SINHCAF: variants seen among roughly 807,000 people sequenced by gnomAD.
The protein encoded by SINHCAF is SIN3-HDAC complex-associated factor.
In SINHCAF, 3 loss-of-function variants were observed where a neutral mutation model predicts 25.8. The ratio of observed to expected loss-of-function variants is 0.12; its 90% CI spans 0.05 to 0.30. The LOEUF (loss-of-function observed/expected upper bound fraction) is 0.30, where lower values mean the gene tolerates loss of function less well. Ranked by LOEUF, SINHCAF falls within the 10% of genes least tolerant of loss-of-function variation. The probability of loss-of-function intolerance (pLI) is 1.00; values close to 1 mark genes in which losing one functional copy is unlikely to be tolerated. For synonymous variants in SINHCAF, 70 were observed against 85.5 expected, an observed-to-expected ratio of 0.82 and a Z score of 1.00; for missense variants, 121 against 262.3, an observed-to-expected ratio of 0.46 and a Z score of 3.72.
chr12:31,294,123 C>CT (rs1166921426), intron 3 of SINHCAF, among the ~76,000 whole-genome samples, 192 bp from the exon 4 acceptor site: 1 of 152,098 alleles, frequency 6.6e-6, no homozygotes, highest in Non-Finnish European at 1.5e-5. Flanking sequence ...TAAAGATATT[C>CT]TTTCCTGTGA....
chr12:31,317,960 T>A (rs1471947110), intron 1 of SINHCAF, among the ~76,000 whole-genome samples: 4 of 152,144 alleles, frequency 2.6e-5, no homozygotes, highest in Non-Finnish European at 4.4e-5. Context: ...CTAGAAATCA[T>A]GATGATGGGA....
At chr12:31,287,080 C>T (rs1938112628) in intron 5 of SINHCAF, among the ~76,000 whole-genome samples, 3 of 152,148 alleles carry the variant, frequency 2.0e-5, no homozygotes, top group Non-Finnish European at 4.4e-5. Context: ...TCACACCTGG[C>T]CTGAATCAAT....
At chr12:31,323,672 C>T (rs1246328240) in intron 1 of SINHCAF, among the ~76,000 whole-genome samples, 1 of 152,166 alleles carries the variant, frequency 6.6e-6, no homozygotes, top group Non-Finnish European at 1.5e-5. Context: ...TACACCAAAA[C>T]AAACCTTGCC....
rs764318191 is a variant in SINHCAF, at chr12:31,282,845, T to C, written c.533A>G (p.Tyr178Cys). ...GAGGACTTCCCCAAAACGGCCTTTA[T>C]AGATGATCCCACAACATATCTTCTG... ...KRQKICCGII[Y>C]KGRFGEVLID... Residue 178 changes from tyrosine (Y) to cysteine (C), a missense_variant, in exon 6 of 6, where the codon TAT becomes TGT. Physicochemically the swap from Tyr to Cys is radical, Grantham distance 194. Coordinates refer to ENST00000337682, the MANE Select transcript of SINHCAF (RefSeq NM_001135812.2). 6.2e-7 allele frequency: 1 copy of C among 1,609,492 alleles called. No individual in the cohort carries two copies. Among genetic ancestry groups the C allele is most frequent in the African/African-American group, 1.3e-5 (1 of 74,534 alleles).
At chr12:31,311,036 A>AT (rs199657223) in intron 1 of SINHCAF, among the ~76,000 whole-genome samples, 1,742 of 152,068 alleles carry the variant, frequency 0.011, 16 homozygotes, top group East Asian at 0.037. Flanking sequence ...CGACTGGCTG[A>AT]TTTTTGTATT....
intron 1 of SINHCAF, among the ~76,000 whole-genome samples, chr12:31,315,796 A>G (rs376033840): frequency 1.3e-5 from 2 of 152,334 alleles, no homozygotes; most frequent in East Asian, 3.9e-4. Context: ...TTTATAAAGC[A>G]CTTTCACTGG....
intron 1 of SINHCAF, among the ~76,000 whole-genome samples, chr12:31,306,029 C>G (rs1359493361): frequency 6.6e-6 from 1 of 152,128 alleles, no homozygotes; most frequent in East Asian, 1.9e-4. Context: ...ATGACCTGGG[C>G]AGTAAAATAA....
chr12:31,291,714 A>C (rs1378587086), intron 4 of SINHCAF, among the ~76,000 whole-genome samples: 1 of 152,064 alleles, frequency 6.6e-6, no homozygotes, highest in East Asian at 1.9e-4. Context: ...CAGTGAGCTG[A>C]GATCCGTGCC....
In SINHCAF at chr12:31,322,178, T is replaced by C. The variant is rs564279077; in HGVS notation, c.-21+3846A>G. On this transcript the variant is annotated intron_variant, in intron 1 of 5. Transcript: ENST00000337682. ...GCAGTAGAGACCTTGTCTGTGGGTC[T>C]TTCCCACCCTGAATTCATTCACATT... Among the ~76,000 whole-genome samples the C allele has an allele frequency of 7.2e-5, 11 of 152,312 alleles. 1 individual carries two copies. In the South Asian group the frequency reaches 2.1e-3, roughly 29 times the overall value.
chr12:31,298,259 A>T lies in SINHCAF; in HGVS notation c.-20-35T>A, dbSNP rs1431360897. 1.9e-6 allele frequency: 3 copies of T among 1,609,448 alleles called. No individual in the cohort carries two copies. The African/African-American group carries it at 4.0e-5, about 21-fold the overall frequency. ...CAAGGGAATTGACATATCTTTGTTG[A>T]GGGCTGTAACAAGGAACCATTAAAG... On this transcript the variant is annotated intron_variant, in intron 1 of 5. Transcript: ENST00000337682.
At chr12:31,301,420 T>A (rs1938788756) in intron 1 of SINHCAF, among the ~76,000 whole-genome samples, 1 of 152,166 alleles carries the variant, frequency 6.6e-6, no homozygotes, top group Non-Finnish European at 1.5e-5. Flanking sequence ...CTGAGAGGGA[T>A]CTAAATCCTA....
intron 3 of SINHCAF, among the ~76,000 whole-genome samples, chr12:31,294,512 G>C (rs1175430989): frequency 6.6e-6 from 1 of 152,080 alleles, no homozygotes; most frequent in Non-Finnish European, 1.5e-5. Flanking sequence ...TGAGTTACAC[G>C]ACAGCAATAG....
rs187800117 is a variant in SINHCAF at position 31,281,858 on chromosome 12, T to A, written c.*854A>T. 127 of 152,346 alleles carry A rather than the reference T, an allele frequency of 8.3e-4. 2 individuals are homozygous for A. Among genetic ancestry groups the A allele is most frequent in the African/African-American group, 2.7e-3 (111 of 41,572 alleles). 9.4% of individuals were successfully genotyped at this position (152,346 alleles called of 1,614,324 possible). A position where few individuals can be genotyped will look rare whatever the true frequency, so the allele number is the denominator to read the frequency against. On this transcript the variant is annotated 3_prime_UTR_variant, in exon 6 of 6. Transcript: ENST00000337682. ...CAGGATGCAACATATATAGTCAAGT[T>A]ACCTCTCTGTATATTTAGAAATTAC...
chr12:31,298,049 GA>G, intron 2 of SINHCAF, 27 bp downstream of exon 2: 1 of 1,608,078 alleles, frequency 6.2e-7, no homozygotes, highest in Non-Finnish European at 8.5e-7. Context: ...TTCACTCTAA[GA>G]ATAGTACAAA....
At chr12:31,288,205 AAAC>A (rs1345567925) in intron 4 of SINHCAF, among the ~76,000 whole-genome samples, 9 of 152,304 alleles carry the variant, frequency 5.9e-5, no homozygotes, top group African/African-American at 2.2e-4. Context: ...CAGACAATCA[AAAC>A]AACAACAACA....
At chr12:31,295,748 TG>T (rs1423229181) in intron 2 of SINHCAF, among the ~76,000 whole-genome samples, 1 of 151,926 alleles carries the variant, frequency 6.6e-6, no homozygotes, top group Non-Finnish European at 1.5e-5. Context: ...GGTGCACACC[TG>T]TAGTCCCAGC....
chr12:31,298,648 G>A (rs1938648222), intron 1 of SINHCAF: 1 of 228,888 alleles, frequency 4.4e-6, no homozygotes, highest in South Asian at 6.5e-5. Context: ...CTCTGGGGAA[G>A]TTTTGAGCAT....
chr12:31,300,798 C>T (rs758664601), intron 1 of SINHCAF, among the ~76,000 whole-genome samples: 1 of 152,076 alleles, frequency 6.6e-6, no homozygotes, highest in Non-Finnish European at 1.5e-5. Context: ...TCTCCAAACT[C>T]GCCCAACAGC....
chr12:31,321,415 A>G (rs550736748), intron 1 of SINHCAF, among the ~76,000 whole-genome samples: 1 of 152,328 alleles, frequency 6.6e-6, no homozygotes, highest in Admixed American at 6.5e-5. Flanking sequence ...AAAGACACTC[A>G]TTCTTTCCAC....
Sources: gnomAD v4.1 joint callset for allele counts (sites outside exome capture counted in the v4.1 genomes callset) on GRCh38, gnomAD v4.1.1 for gene constraint, MANE v1.5 for transcripts, NCBI Gene and HGNC (gene_info 2026-07-23, HGNC 2026-07-21) for gene names.